ULK4: variants seen among roughly 807,000 people sequenced by gnomAD.
ULK4 encodes the protein unc-51 like kinase 4.
A neutral mutation model predicts 160.6 loss-of-function variants in ULK4; 133 were observed. The ratio of observed to expected loss-of-function variants is 0.83; its 90% CI spans 0.72 to 0.96. The LOEUF (loss-of-function observed/expected upper bound fraction) is 0.96. Among genes scored for constraint, ULK4 ranks in the 40% least tolerant of loss-of-function variants. The pLI, the probability that ULK4 is intolerant of heterozygous loss-of-function variation, is 0.00. For synonymous variants in ULK4, 534 were observed against 539.8 expected (o/e 0.99, Z 0.15); for missense variants, 1,580 against 1,499.5 (o/e 1.05, Z -0.89).
At chr3:41,844,490 G>A (rs1448113575) in intron 17 of ULK4, among the ~76,000 whole-genome samples, 1 of 152,184 alleles carries the variant, frequency 6.6e-6, no homozygotes, top group Non-Finnish European at 1.5e-5. Flanking sequence ...TGCCCACCCA[G>A]AACTCCAGCT....
intron 5 of ULK4, among the ~76,000 whole-genome samples, chr3:41,926,684 C>T (rs1559655021): frequency 6.6e-6 from 1 of 151,994 alleles, no homozygotes; most frequent in Non-Finnish European, 1.5e-5. Context: ...AAACACAGCA[C>T]GAGAACTTCA....
At chr3:41,912,733 T>C (rs768891547) in intron 9 of ULK4, 74 bp downstream of exon 9, 51 of 1,249,602 alleles carry the variant, frequency 4.1e-5, no homozygotes, top group Admixed American at 1.9e-4. Flanking sequence ...GTCATTGATG[T>C]TGTATATTTA....
At chr3:41,875,824 T>C (rs573786696) in intron 17 of ULK4, among the ~76,000 whole-genome samples, 1 of 152,184 alleles carries the variant, frequency 6.6e-6, no homozygotes, top group South Asian at 2.1e-4. Context: ...AAGGAAAAGA[T>C]GTACCTTTAC....
chr3:41,360,904 G>A (rs1322376668), intron 35 of ULK4, among the ~76,000 whole-genome samples: 1 of 150,176 alleles, frequency 6.7e-6, no homozygotes, highest in Non-Finnish European at 1.5e-5. Flanking sequence ...TGTACATCCG[G>A]CACATGTACC....
At position 41,932,017 on chromosome 3, in the gene ULK4, CAAAT is replaced by C. The variant is rs748941423; in HGVS notation, c.379-15_379-12del. ...CCCTTCCAAGAGTATCTATGAAGAT[CAAAT>C]AAATGTTTTCAGAAAAAAAATCAAC... On this transcript the variant is annotated splice_polypyrimidine_tract_variant and intron_variant, in intron 4 of 36. Transcript: ENST00000301831. 9 of 1,603,828 alleles carry C rather than the reference CAAAT, an allele frequency of 5.6e-6. No individual in the cohort carries two copies. Among genetic ancestry groups the C allele is most frequent in the Middle Eastern group, 1.7e-4 (1 of 6,030 alleles).
At chr3:41,445,313 G>C (rs2083272260) in intron 34 of ULK4, among the ~76,000 whole-genome samples, 1 of 152,148 alleles carries the variant, frequency 6.6e-6, no homozygotes, top group Non-Finnish European at 1.5e-5. Context: ...GTAATTTATA[G>C]ATTCAATGCC....
chr3:41,613,597 G>A (rs2032815507), intron 31 of ULK4, among the ~76,000 whole-genome samples: 1 of 152,040 alleles, frequency 6.6e-6, no homozygotes, highest in Non-Finnish European at 1.5e-5. Flanking sequence ...AAAAGGATAA[G>A]TAATAGTTCA....
chr3:41,627,874 G>A (rs1178547807), intron 30 of ULK4, among the ~76,000 whole-genome samples: 2 of 152,166 alleles, frequency 1.3e-5, no homozygotes, highest in Non-Finnish European at 2.9e-5. Context: ...TTATGATGTG[G>A]GGAGGGGCAG....
intron 1 of ULK4, among the ~76,000 whole-genome samples, chr3:41,958,386 C>T (rs1459331894): frequency 6.6e-6 from 1 of 151,876 alleles, no homozygotes. Flanking sequence ...TTTTTTAAGA[C>T]TTCAAAAATT....
At chr3:41,553,694 G>A (rs1273041787) in intron 32 of ULK4, among the ~76,000 whole-genome samples, 1 of 152,016 alleles carries the variant, frequency 6.6e-6, no homozygotes, top group Non-Finnish European at 1.5e-5. Flanking sequence ...GCTTTTTTGT[G>A]TGTGAATACA....
At chr3:41,876,038 T>C (rs868735468) in intron 17 of ULK4, among the ~76,000 whole-genome samples, 2 of 150,172 alleles carry the variant, frequency 1.3e-5, no homozygotes, top group Non-Finnish European at 2.9e-5. Flanking sequence ...ATAGGAAATG[T>C]GTGGACTAGA....
At chr3:41,749,027 T>TAC (rs1293389176) in intron 22 of ULK4, among the ~76,000 whole-genome samples, 1 of 152,204 alleles carries the variant, frequency 6.6e-6, no homozygotes, top group East Asian at 1.9e-4. Context: ...GTCCCCAACT[T>TAC]ACAATGATTC....
At chr3:41,652,335 A>C (rs2034775518) in intron 30 of ULK4, among the ~76,000 whole-genome samples, 1 of 152,214 alleles carries the variant, frequency 6.6e-6, no homozygotes, top group Non-Finnish European at 1.5e-5. Context: ...AAAACTCCTA[A>C]GAATTTAGGT....
At chr3:41,540,352 C>T (rs2086652941) in intron 32 of ULK4, among the ~76,000 whole-genome samples, 2 of 152,096 alleles carry the variant, frequency 1.3e-5, no homozygotes, top group Non-Finnish European at 2.9e-5. Context: ...CCATGTCCCT[C>T]CAAAGGACAT....
At chr3:41,627,695 T>C (rs760509801) in intron 30 of ULK4, among the ~76,000 whole-genome samples, 3 of 151,982 alleles carry the variant, frequency 2.0e-5, no homozygotes, top group Non-Finnish European at 4.4e-5. Context: ...AACTCCAGAG[T>C]CAAGCAGGTT....
intron 17 of ULK4, among the ~76,000 whole-genome samples, chr3:41,858,024 T>C (rs1241913164): frequency 1.3e-5 from 2 of 152,064 alleles, no homozygotes; most frequent in African/African-American, 4.8e-5. Flanking sequence ...CTTTTCTAAA[T>C]CTTTAAGATG....
chr3:41,894,985 G>A (rs189948638), intron 16 of ULK4, among the ~76,000 whole-genome samples: 2 of 152,314 alleles, frequency 1.3e-5, no homozygotes, highest in East Asian at 1.9e-4. Context: ...CCATTAGATT[G>A]TAAATAACAT....
At chr3:41,496,018 A>G (rs2084974802) in intron 32 of ULK4, among the ~76,000 whole-genome samples, 1 of 152,252 alleles carries the variant, frequency 6.6e-6, no homozygotes, top group Non-Finnish European at 1.5e-5. Flanking sequence ...CTGTAGTGAA[A>G]TACAACATTA....
chr3:41,938,069 C>G, intron 3 of ULK4, 29 bp downstream of exon 3: 1 of 1,529,942 alleles, frequency 6.5e-7, no homozygotes, highest in Non-Finnish European at 8.9e-7. Context: ...ATACTATATT[C>G]ATAGCACTTT....
Sources: allele counts gnomAD v4.1 joint callset (sites outside exome capture counted in the v4.1 genomes callset), GRCh38; gene constraint gnomAD v4.1.1; transcripts MANE v1.5; gene names NCBI Gene and HGNC (gene_info 2026-07-23, HGNC 2026-07-21).